Variants in CSMD3 observed in about 807,000 individuals in gnomAD.
The protein encoded by CSMD3 is CUB and sushi domain-containing protein 3.
A neutral mutation model predicts 435.2 loss-of-function variants in CSMD3; 177 were observed. The observed-to-expected ratio is 0.41, with a 90% confidence interval of 0.36 to 0.46. CSMD3 has a LOEUF of 0.46. Ranked by LOEUF, CSMD3 falls within the 20% of genes least tolerant of loss-of-function variation. The probability of loss-of-function intolerance (pLI) is 0.34; values close to 1 mark genes in which losing one functional copy is unlikely to be tolerated. For missense variants in CSMD3, 4,265 were observed against 4,504.6 expected (o/e 0.95, Z 1.52); for synonymous variants, 1,656 against 1,520.5 (o/e 1.09, Z -2.07).
chr8:112,380,584 A>C (rs1218842603), intron 37 of CSMD3, 128 bp from the exon 38 acceptor site: 1 of 635,846 alleles, frequency 1.6e-6, no homozygotes, highest in Non-Finnish European at 2.8e-6. Flanking sequence ...TTTTTCAAAA[A>C]AAATTTAATA....
chr8:113,309,760 G>A (rs1246427513), intron 2 of CSMD3: 1 of 152,120 alleles, frequency 6.6e-6, no homozygotes, highest in Non-Finnish European at 1.5e-5. Flanking sequence ...CAAAAAATAA[G>A]CTTTGGATAT....
At chr8:112,422,256 A>G (rs1812598574) in intron 32 of CSMD3, among the ~76,000 whole-genome samples, 2 of 152,184 alleles carry the variant, frequency 1.3e-5, no homozygotes, top group African/African-American at 4.8e-5. Context: ...ATTTATAAAT[A>G]CATTCATCCT....
intron 12 of CSMD3, among the ~76,000 whole-genome samples, chr8:112,810,739 T>C (rs1587363408): frequency 6.6e-6 from 1 of 152,232 alleles, no homozygotes; most frequent in Non-Finnish European, 1.5e-5. Context: ...GATTATCTTA[T>C]AAATGTAATA....
chr8:113,267,991 T>C (rs536613577), intron 3 of CSMD3, among the ~76,000 whole-genome samples: 11 of 151,828 alleles, frequency 7.2e-5, no homozygotes, highest in East Asian at 1.9e-4. Flanking sequence ...TAATTACATA[T>C]ACATATACAT....
Position 112,490,729 on chromosome 8 carries a change from T to G in CSMD3, c.5278+1760A>C, listed in dbSNP as rs544698314. ...CCAAATGATCATTGACAGTAAAATT[T>G]GAAAAGTTATTTTCTATGTTTAATA... On this transcript the variant is annotated intron_variant, in intron 31 of 70. Transcript: ENST00000297405. 9.9e-5 allele frequency among the ~76,000 whole-genome samples: 15 copies of G among 152,274 alleles called. No individual in the cohort carries two copies. The South Asian group carries it at 3.1e-3, about 32-fold the overall frequency.
chr8:112,450,884 G>A (rs1031287887), intron 32 of CSMD3, among the ~76,000 whole-genome samples: 1 of 152,124 alleles, frequency 6.6e-6, no homozygotes, highest in Non-Finnish European at 1.5e-5. Context: ...CATGCTCTCT[G>A]ATCTGGAAAC....
intron 36 of CSMD3, among the ~76,000 whole-genome samples, chr8:112,384,181 C>A (rs1165329333): frequency 3.3e-5 from 5 of 152,240 alleles, no homozygotes; most frequent in African/African-American, 1.2e-4. Flanking sequence ...AATTTCTTCT[C>A]TTCCTTTTAT....
At chr8:113,114,585 C>T (rs1011539175) in intron 4 of CSMD3, among the ~76,000 whole-genome samples, 1 of 152,100 alleles carries the variant, frequency 6.6e-6, no homozygotes, top group Non-Finnish European at 1.5e-5. Context: ...TATAGATTAG[C>T]TATTATGCAT....
intron 16 of CSMD3, among the ~76,000 whole-genome samples, chr8:112,671,085 A>G (rs981512869): frequency 2.0e-5 from 3 of 152,170 alleles, no homozygotes; most frequent in African/African-American, 7.2e-5. Context: ...TTTAGCAAGT[A>G]AAAGTAATAA....
At chr8:112,436,197 T>G (rs1356322515) in intron 32 of CSMD3, among the ~76,000 whole-genome samples, 1 of 151,958 alleles carries the variant, frequency 6.6e-6, no homozygotes, top group Non-Finnish European at 1.5e-5. Flanking sequence ...CTCTGATTCC[T>G]AAATGGCTTA....
chr8:112,797,785 A>G (rs1024714959), intron 13 of CSMD3, among the ~76,000 whole-genome samples: 2 of 151,780 alleles, frequency 1.3e-5, no homozygotes, highest in Non-Finnish European at 3.0e-5. Flanking sequence ...TACTTCAACT[A>G]TGAGCTCAGG....
At chr8:113,172,928 C>T (rs72687603) in intron 4 of CSMD3, among the ~76,000 whole-genome samples, 10,045 of 152,196 alleles carry the variant, frequency 0.066, 450 homozygotes, top group Non-Finnish European at 0.095. Flanking sequence ...GTTTCCCAAG[C>T]TCTGTATTTT....
Position 112,760,773 on chromosome 8 carries a change from A to G in CSMD3, c.1972+39389T>C, listed in dbSNP as rs567291909. ...CCAGCACCAATCTTCATCTTGAGGC[A>G]GAACAGCCAGGCCAGTGCTGCTCTT... On this transcript the variant is annotated intron_variant, in intron 13 of 70. Transcript: ENST00000297405. Among the ~76,000 whole-genome samples the G allele has an allele frequency of 1.8e-4, 27 of 152,282 alleles. No individual in the cohort carries two copies. In the East Asian group the frequency reaches 4.6e-3, roughly 26 times the overall value.
intron 1 of CSMD3, chr8:113,376,932 T>C: frequency 4.6e-6 from 7 of 1,517,062 alleles, no homozygotes; most frequent in Non-Finnish European, 6.2e-6. Flanking sequence ...CCATAACGGA[T>C]GACGTGCGGG....
At chr8:112,966,568 C>A (rs1466987754) in intron 7 of CSMD3, among the ~76,000 whole-genome samples, 1 of 151,114 alleles carries the variant, frequency 6.6e-6, no homozygotes, top group East Asian at 1.9e-4. Flanking sequence ...GAAACTAAAC[C>A]CTGATGTATT....
intron 1 of CSMD3, among the ~76,000 whole-genome samples, chr8:113,335,114 T>G (rs997905745): frequency 6.6e-6 from 1 of 152,016 alleles, no homozygotes; most frequent in Non-Finnish European, 1.5e-5. Flanking sequence ...TAAAAGTGCA[T>G]AGCACGCCAC....
chr8:113,391,888 G>A (rs1177093573), intron 1 of CSMD3, among the ~76,000 whole-genome samples: 1 of 152,018 alleles, frequency 6.6e-6, no homozygotes, highest in East Asian at 1.9e-4. Context: ...AAAGCATTCT[G>A]ATTAGCAGCA....
chr8:113,151,184 A>G (rs2131784191), intron 4 of CSMD3, among the ~76,000 whole-genome samples: 1 of 152,116 alleles, frequency 6.6e-6, no homozygotes, highest in Non-Finnish European at 1.5e-5. Flanking sequence ...GTGATTCACT[A>G]ACACAATACC....
chr8:112,898,976 T>A lies in CSMD3; in HGVS notation c.1633+22651A>T, dbSNP rs146596843. 2.3e-3 allele frequency among the ~76,000 whole-genome samples: 350 copies of A among 151,352 alleles called. 1 individual carries two copies. The highest frequency in any genetic ancestry group is 8.1e-3 in the African/African-American group (334 of 41,424). On this transcript the variant is annotated intron_variant, in intron 10 of 70. Coordinates refer to ENST00000297405, the MANE Select transcript of CSMD3 (RefSeq NM_198123.2). ...CATTACTAACTCTTCAAATAATTCA[T>A]CTTGGTAAAGTGAATAGAACTTGCT...
Sources: gnomAD v4.1 joint callset for allele counts (sites outside exome capture counted in the v4.1 genomes callset) on GRCh38, gnomAD v4.1.1 for gene constraint, MANE v1.5 for transcripts, NCBI Gene and HGNC (gene_info 2026-07-23, HGNC 2026-07-21) for gene names.